The following SLX4 variants were observed in gnomAD, a reference collection of about 807,000 sequenced individuals.
The protein encoded by SLX4 is SLX4 structure-specific endonuclease subunit, also known as structure-specific endonuclease subunit SLX4.
SLX4 carries 112 observed loss-of-function variants against 146.2 expected under a neutral mutation model. The observed-to-expected ratio is 0.77, with a 90% CI of 0.66 to 0.90. The LOEUF (loss-of-function observed/expected upper bound fraction) is 0.90, where lower values mean the gene tolerates loss of function less well. Among genes scored for constraint, SLX4 ranks in the 40% least tolerant of loss-of-function variants. The pLI, the probability that SLX4 is intolerant of heterozygous loss-of-function variation, is 0.00. For synonymous variants in SLX4, 1,061 were observed against 997.7 expected, an observed-to-expected ratio of 1.06 and a Z score of -1.20; for missense variants, 2,563 against 2,392.7, an observed-to-expected ratio of 1.07 and a Z score of -1.49.
intron 12 of SLX4, among the ~76,000 whole-genome samples, chr16:3,587,250 A>G (rs1011448904): frequency 2.6e-5 from 4 of 152,184 alleles, no homozygotes; most frequent in African/African-American, 9.7e-5. Flanking sequence ...TAATCCCAGC[A>G]CTTTGGGAGG....
chr16:3,605,482 C>G (rs2040772179), intron 3 of SLX4, among the ~76,000 whole-genome samples: 1 of 152,078 alleles, frequency 6.6e-6, no homozygotes, highest in African/African-American at 2.4e-5. Flanking sequence ...CTTGGCCTCC[C>G]AAAGTTTTGG....
intron 5 of SLX4, among the ~76,000 whole-genome samples, chr16:3,598,321 G>T (rs2040689303): frequency 6.6e-6 from 1 of 152,202 alleles, no homozygotes; most frequent in South Asian, 2.1e-4. Flanking sequence ...ACAATCGATG[G>T]CTCTGAGCAG....
chr16:3,586,880 C>T (rs1310505764), intron 12 of SLX4, among the ~76,000 whole-genome samples: 1 of 151,666 alleles, frequency 6.6e-6, no homozygotes. Flanking sequence ...ATGTATGAAT[C>T]TTGAAAACTG....
chr16:3,610,716 G>A (rs1259734025), intron 1 of SLX4, among the ~76,000 whole-genome samples: 1 of 152,214 alleles, frequency 6.6e-6, no homozygotes, highest in African/African-American at 2.4e-5. Flanking sequence ...CTTCAGGAGG[G>A]TAGAGATCCA....
In SLX4 at chr16:3,584,376, G is replaced by A. The variant is rs143512095; in HGVS notation, c.4739+393C>T. Among the ~76,000 whole-genome samples the A allele has an allele frequency of 3.1e-3, 463 of 151,770 alleles. 2 individuals are homozygous for A. Among genetic ancestry groups the A allele is most frequent in the Non-Finnish European group, 4.9e-3 (333 of 67,866 alleles). ...GTGGAGGTTGCAGTGAGCCGGGACT[G>A]CGCCACTGCACTCCAGCCTGGGCGA... On this transcript the variant is annotated intron_variant, in intron 13 of 14. Transcript: ENST00000294008.
Position 3,589,074 on chromosome 16 carries a change from G to T in SLX4, c.4564C>A (p.Pro1522Thr). The part of the protein sequence containing the change: ...DVWDGEEQRP[P>T]ETPPPAQMPS... ...ATCTGGGCCGGAGGAGGGGTCTCTG[G>T]AGGCCTCTGCTCTTCCCCGTCCCAA... Residue 1522 changes from proline (P) to threonine (T), a missense_variant, in exon 12 of 15, where the codon CCA (proline) becomes ACA (threonine). Pro to Thr is a conservative substitution (Grantham distance 38). Transcript: ENST00000294008. The surrounding 1 kb of genome is among the most constrained non-coding windows in gnomAD (Gnocchi z 6.2). 6.2e-7 allele frequency: 1 copy of T among 1,614,120 alleles called. No homozygotes were observed. Among genetic ancestry groups the T allele is most frequent in the Non-Finnish European group, 8.5e-7 (1 of 1,180,042 alleles).
intron 9 of SLX4, among the ~76,000 whole-genome samples, chr16:3,595,072 A>G (rs2040635671): frequency 6.6e-6 from 1 of 152,158 alleles, no homozygotes; most frequent in Non-Finnish European, 1.5e-5. Context: ...CTTGGTTGAC[A>G]CTGACATGCA....
rs2151124877 is a variant in SLX4, at chr16:3,590,759, C to T, written c.2879G>A (p.Ser960Asn). The T allele has an allele frequency of 1.2e-6, 2 of 1,614,086 alleles. No individual in the cohort carries two copies. Among genetic ancestry groups the T allele is most frequent in the Non-Finnish European group, 1.7e-6 (2 of 1,180,030 alleles). The change falls in exon 12 of 15, where the codon AGC (serine) becomes AAC (asparagine). Residue 960 changes from serine (S) to asparagine (N), a missense_variant. Ser to Asn is a conservative substitution (Grantham distance 46). Transcript: ENST00000294008. This position sits in a 1 kb window ranked among gnomAD's most constrained non-coding sequence, Gnocchi z 4.8. The stretch of plus-strand genomic sequence containing the variant: ...CTCTGCCTGGCAGTCCCTGGAAGGG[C>T]TGGAGCAGCTGGAATGGCCAAGCGC... ...EEALGHSSCS[S>N]PSRDCQAERK...
intron 14 of SLX4, 126 bp from the exon 15 acceptor site, chr16:3,582,819 G>C: frequency 1.0e-6 from 1 of 962,792 alleles, no homozygotes; most frequent in Non-Finnish European, 1.6e-6. Flanking sequence ...ACGATCCCCA[G>C]CAAGGCAGGA....
rs1324860353 is a variant in SLX4 at position 3,608,886 on chromosome 16, C to A, written c.79G>T (p.Asp27Tyr). 8 of 1,614,170 alleles carry A rather than the reference C, an allele frequency of 5.0e-6. No individual in the cohort carries two copies. In the South Asian group the frequency reaches 8.8e-5, roughly 18 times the overall value. ...GGCTGGTCTTCAGAGGAGCGAGGGTCAATCCCAGGACAGGCAGACAGATGA... is the reference window on the plus strand; with the variant it reads ...GGCTGGTCTTCAGAGGAGCGAGGGTAAATCCCAGGACAGGCAGACAGATGA... ...LSHLSACPGIDPRSSEDQPES... is the reference protein window; with the variant it reads ...LSHLSACPGIYPRSSEDQPES... Residue 27 changes from aspartate (D) to tyrosine (Y), a missense_variant, in exon 2 of 15, where the codon GAC (aspartate) becomes TAC (tyrosine). By Grantham distance (160) the Asp-to-Tyr change is radical. Transcript: ENST00000294008.
Position 3,597,605 on chromosome 16 carries a change from C to A in SLX4, c.1457G>T (p.Arg486Leu). The A allele has an allele frequency of 6.2e-7, 1 of 1,614,118 alleles. No individual in the cohort carries two copies. Among genetic ancestry groups the A allele is most frequent in the Non-Finnish European group, 8.5e-7 (1 of 1,180,028 alleles). The change falls in exon 7 of 15, where the codon CGT becomes CTT. Residue 486 changes from arginine (R) to leucine (L), a missense_variant. By Grantham distance (102) the Arg-to-Leu change is moderately radical (BLOSUM62 -2). Coordinates refer to ENST00000294008, the MANE Select transcript of SLX4 (RefSeq NM_032444.4). The surrounding 1 kb of genome is among the most constrained non-coding windows in gnomAD (Gnocchi z 4.4). The stretch of plus-strand genomic sequence containing the variant: ...TTCCTCAGAGAGGAGCAGGGCCACA[C>A]GGTCCTCTATCTGTCGGCCTGTGGT... ...SETTGRQIED[R>L]VALLLSEEVE...
chr16:3,586,681 G>A (rs1285144099), intron 12 of SLX4, among the ~76,000 whole-genome samples: 1 of 152,098 alleles, frequency 6.6e-6, no homozygotes, highest in East Asian at 1.9e-4. Context: ...GGCATGGCAT[G>A]GCGATGGGCG....
In SLX4 at chr16:3,584,759, G is replaced by C; in HGVS notation, c.4739+10C>G. 6.2e-7 allele frequency: 1 copy of C among 1,606,114 alleles called. No individual in the cohort carries two copies. The highest frequency in any genetic ancestry group is 8.5e-7 in the Non-Finnish European group (1 of 1,172,814). On this transcript the variant is annotated intron_variant, in intron 13 of 14. Transcript: ENST00000294008. ...ACCACTGTGGGCAACAAGCTTTGAAGACCGCCAACCTATCCAGTTCCTTCT... is the reference window on the plus strand; with the variant it reads ...ACCACTGTGGGCAACAAGCTTTGAACACCGCCAACCTATCCAGTTCCTTCT...
At chr16:3,610,886 A>C (rs571029732) in intron 1 of SLX4, among the ~76,000 whole-genome samples, 13 of 152,230 alleles carry the variant, frequency 8.5e-5, no homozygotes, top group Non-Finnish European at 1.8e-4. Flanking sequence ...GGATTGGCTC[A>C]CAAGGGCCTG....
intron 2 of SLX4, among the ~76,000 whole-genome samples, chr16:3,607,867 TA>T (rs1243030884): frequency 6.6e-6 from 1 of 152,214 alleles, no homozygotes; most frequent in Non-Finnish European, 1.5e-5. Flanking sequence ...CACTTTGGAA[TA>T]AATTCAAGAA....
chr16:3,595,516 G>C, intron 9 of SLX4, 89 bp downstream of exon 9: 3 of 1,448,282 alleles, frequency 2.1e-6, no homozygotes, highest in Non-Finnish European at 2.9e-6. Context: ...TGCGTTGGGG[G>C]CCAGAGGCCA....
Position 3,589,786 on chromosome 16 carries a change from C to G in SLX4, c.3852G>C (p.Val1284=). ...TGGGCGTGTGCTGAGTCACCGCCTG[C>G]ACGGCCAGCCCGCTCCTGAGGCTGC... ...QISSLRSGLA[V]QAVTQHTPRA... is the part of the protein sequence containing the mutation. Residue 1284 remains valine (V), a synonymous_variant, in exon 12 of 15, where the codon GTG becomes GTC. Coordinates refer to ENST00000294008, the MANE Select transcript of SLX4 (RefSeq NM_032444.4). This position sits in a 1 kb window ranked among gnomAD's most constrained non-coding sequence, Gnocchi z 6.2. 1 of 1,613,424 alleles carries G rather than the reference C, an allele frequency of 6.2e-7. No individual in the cohort carries two copies. The highest frequency in any genetic ancestry group is 2.2e-5 in the East Asian group (1 of 44,876).
chr16:3,596,177 G>A lies in SLX4; in HGVS notation c.1900C>T (p.Leu634=), dbSNP rs768182554. 2 of 1,552,010 alleles carry A rather than the reference G, an allele frequency of 1.3e-6. No homozygotes were observed. The highest frequency in any genetic ancestry group is 3.8e-5 in the Admixed American group (2 of 52,140). ...SASPWPGSGG[L]AGSEGTAGLD... ...CCTGCAGTCCCTTCCGAGCCAGCCAGGCCCCCACTGCCGGGCCACGGGCTG... is the reference window on the plus strand; with the variant it reads ...CCTGCAGTCCCTTCCGAGCCAGCCAAGCCCCCACTGCCGGGCCACGGGCTG... Residue 634 remains leucine, a synonymous_variant, in exon 8 of 15, where the codon CTG becomes TTG. Transcript: ENST00000294008.
At chr16:3,585,733 C>T (rs77154487) in intron 12 of SLX4, among the ~76,000 whole-genome samples, 2 of 150,712 alleles carry the variant, frequency 1.3e-5, no homozygotes, top group African/African-American at 2.4e-5. Context: ...TACCACTGCA[C>T]GCCCACTAGG....
Sources: allele counts gnomAD v4.1 joint callset (sites outside exome capture counted in the v4.1 genomes callset), GRCh38; gene constraint gnomAD v4.1.1; non-coding constraint Gnocchi (gnomAD v3.1); transcripts MANE v1.5; gene names NCBI Gene and HGNC (gene_info 2026-07-23, HGNC 2026-07-21).